Variants in STKLD1 observed in about 807,000 individuals in gnomAD.
STKLD1 encodes serine/threonine kinase like domain containing 1, also known as serine/threonine kinase-like domain-containing protein STKLD1.
In STKLD1, 79 loss-of-function variants were observed where a neutral mutation model predicts 80.4. The ratio of observed to expected loss-of-function variants is 0.98; its 90% CI spans 0.82 to 1.19. STKLD1 has a LOEUF of 1.19. STKLD1 is among the 50% of genes most tolerant of loss of function. The pLI is 0.00. For missense variants in STKLD1, 841 were observed against 856.0 expected (o/e 0.98, Z 0.22); for synonymous variants, 393 against 357.6 (o/e 1.10, Z -1.12).
At chr9:133,404,164 G>A in intron 16 of STKLD1, 116 bp downstream of exon 16, 1 of 1,327,356 alleles carries the variant, frequency 7.5e-7, no homozygotes, top group Non-Finnish European at 1.0e-6. Flanking sequence ...AATCAAAAAG[G>A]AAAAGAAATT....
intron 2 of STKLD1, among the ~76,000 whole-genome samples, chr9:133,382,787 A>G (rs1397660239): frequency 1.5e-5 from 2 of 134,686 alleles, no homozygotes; most frequent in East Asian, 2.4e-4. Flanking sequence ...TGATGATGGT[A>G]ATGATGGTGA....
chr9:133,383,424 T>A (rs1838195736), intron 2 of STKLD1, among the ~76,000 whole-genome samples: 1 of 144,432 alleles, frequency 6.9e-6, no homozygotes, highest in African/African-American at 2.6e-5. Flanking sequence ...ATGGTAATGA[T>A]GGTGATGATA....
rs371711899 is a variant in STKLD1, at chr9:133,397,209, G to A, written c.912G>A (p.Ser304=). ...TCTTGAGAGGCTCCTTCAAGTCCTC[G>A]TGCGTCTCTCTGACCCTGCACCGGC... is the stretch of plus-strand genomic sequence containing the variant. The part of the protein sequence containing the change: ...ITFLRGSFKS[S]CVSLTLHRQM... Residue 304 remains serine (S), a synonymous_variant, in exon 10 of 18, where the codon TCG becomes TCA. Coordinates refer to ENST00000371957, the MANE Select transcript of STKLD1 (RefSeq NM_153710.5). 28 of 1,613,842 alleles carry A rather than the reference G, an allele frequency of 1.7e-5. No individual in the cohort carries two copies. In the East Asian group the frequency reaches 2.2e-4, roughly 13 times the overall value.
At position 133,403,909 on chromosome 9, in the gene STKLD1, CCT is replaced by C; in HGVS notation, c.1604-10_1604-9del. 1 of 1,606,474 alleles carries C rather than the reference CCT, an allele frequency of 6.2e-7. No individual in the cohort carries two copies. The highest frequency in any genetic ancestry group is 8.5e-7 in the Non-Finnish European group (1 of 1,175,436). On this transcript the variant is annotated splice_polypyrimidine_tract_variant and intron_variant, in intron 15 of 17. Coordinates refer to ENST00000371957, the MANE Select transcript of STKLD1 (RefSeq NM_153710.5). ...ACAGCAGGCACAAGGCAGCCCGGCC[CCT>C]TTCTGCAGGCTGCATCAAGGAGCAG...
chr9:133,402,756 T>G, intron 13 of STKLD1, 122 bp from the exon 14 acceptor site: 1 of 1,130,802 alleles, frequency 8.8e-7, no homozygotes, highest in Non-Finnish European at 1.2e-6. Flanking sequence ...TGCACACGAC[T>G]TGGCCCAGAG....
In STKLD1 at chr9:133,379,139, G is replaced by A. The variant is rs2130259755; in HGVS notation, c.174+17G>A. 1.9e-6 allele frequency: 3 copies of A among 1,608,424 alleles called. No individual in the cohort carries two copies. The highest frequency in any genetic ancestry group is 2.6e-6 in the Non-Finnish European group (3 of 1,175,976). Reference sequence around the variant, plus strand: ...ATAAAGCAGGTAAGAGGCCAAGCCTGTGCATCCCATGCCGGGTGGTTCTGT... The same window carrying A: ...ATAAAGCAGGTAAGAGGCCAAGCCTATGCATCCCATGCCGGGTGGTTCTGT... On this transcript the variant is annotated intron_variant, in intron 2 of 17. Transcript: ENST00000371957.
chr9:133,405,376 T>C lies in STKLD1; in HGVS notation c.1998T>C (p.Gly666=), dbSNP rs1390273274. Residue 666 remains glycine (G), a synonymous_variant, in exon 18 of 18, where the codon GGT becomes GGC. Transcript: ENST00000371957. ...TCAGCAAACCAGGCCTCCCTCCAGG[T>C]GGAAGCCCCCAGCTGGGGTGCACCA... The part of the protein sequence containing the change: ...SAFSKPGLPP[G]GSPQLGCTTS... The C allele has an allele frequency of 6.2e-7, 1 of 1,611,908 alleles. No individual in the cohort carries two copies.
At chr9:133,397,431 A>G (rs1488737789) in intron 10 of STKLD1, 137 bp downstream of exon 10, 1 of 1,180,832 alleles carries the variant, frequency 8.5e-7, no homozygotes, top group Non-Finnish European at 1.2e-6. Context: ...GGGTAGGAAC[A>G]GTTTCCCTCC....
Position 133,376,524 on chromosome 9 carries a change from C to T in STKLD1, c.51C>T (p.Gly17=). The T allele has an allele frequency of 6.2e-7, 1 of 1,601,212 alleles. No individual in the cohort carries two copies. The highest frequency in any genetic ancestry group is 8.5e-7 in the Non-Finnish European group (1 of 1,175,614). ...NRRRPTQGER[G]PGSPGEPMEK... ...GGCGCCCCACGCAGGGGGAGCGAGGCCCAGGGTCCCCCGGAGAGCCCATGG... is the reference window on the plus strand; with the variant it reads ...GGCGCCCCACGCAGGGGGAGCGAGGTCCAGGGTCCCCCGGAGAGCCCATGG... Residue 17 remains glycine (G), a synonymous_variant, in exon 1 of 18, where the codon GGC becomes GGT. Transcript: ENST00000371957.
intron 5 of STKLD1, chr9:133,388,670 A>T (rs2130282741): frequency 1.2e-6 from 1 of 863,570 alleles, no homozygotes; most frequent in Non-Finnish European, 1.4e-6. Context: ...CTGCTCCAAG[A>T]TCATGAAGAT....
At position 133,386,706 on chromosome 9, in the gene STKLD1, G is replaced by C. The variant is rs2130277958; in HGVS notation, c.295-741G>C. Among the ~76,000 whole-genome samples the C allele has an allele frequency of 7.4e-3, 1,124 of 152,372 alleles. 19 individuals are homozygous for C. Among genetic ancestry groups the C allele is most frequent in the African/African-American group, 0.025 (1,057 of 41,578 alleles). ...CTGGATGACTTCTTGTCTTTACAAG[G>C]AGCCAGGAGCTTTCCAGTCACTTCT... On this transcript the variant is annotated intron_variant, in intron 4 of 17. Coordinates refer to ENST00000371957, the MANE Select transcript of STKLD1 (RefSeq NM_153710.5).
intron 12 of STKLD1, among the ~76,000 whole-genome samples, 183 bp downstream of exon 12, chr9:133,400,712 A>T (rs1289502380): frequency 6.6e-6 from 1 of 152,114 alleles, no homozygotes; most frequent in Non-Finnish European, 1.5e-5. Context: ...AGGCCAGGAG[A>T]CACTCCTGGT....
At chr9:133,399,272 G>C (rs988935087) in intron 11 of STKLD1, among the ~76,000 whole-genome samples, 1 of 151,736 alleles carries the variant, frequency 6.6e-6, no homozygotes, top group Non-Finnish European at 1.5e-5. Flanking sequence ...CCATCCATCC[G>C]TCTGTCTATC....
rs1373960005 is a variant in STKLD1, at chr9:133,385,490, C to A, written c.220-127C>A. The A allele has an allele frequency of 2.1e-5, 19 of 897,872 alleles. No homozygotes were observed. Among genetic ancestry groups the A allele is most frequent in the Non-Finnish European group, 3.1e-5 (18 of 572,688 alleles). The allele number at this position is 897,872 out of a possible 1,614,324, so 55.6% of individuals were successfully genotyped here. A position where few individuals can be genotyped will look rare whatever the true frequency, so the allele number is the denominator to read the frequency against. ...CCAACCACCGTGCAGCTTCCCTGAG[C>A]CCACTCCCTGGCCCAGCTCAGAGCC... On this transcript the variant is annotated intron_variant, in intron 3 of 17. Coordinates refer to ENST00000371957, the MANE Select transcript of STKLD1 (RefSeq NM_153710.5). This position sits in a 1 kb window ranked among gnomAD's most constrained non-coding sequence, Gnocchi z 4.9.
At chr9:133,378,652 G>A (rs1278646935) in intron 1 of STKLD1, among the ~76,000 whole-genome samples, 1 of 152,234 alleles carries the variant, frequency 6.6e-6, no homozygotes, top group Non-Finnish European at 1.5e-5. Context: ...TCACAAGATT[G>A]GTTACTTTCT....
intron 9 of STKLD1, chr9:133,396,106 T>A (rs1478698370): frequency 5.5e-6 from 1 of 183,342 alleles, no homozygotes; most frequent in Admixed American, 5.5e-5. Context: ...AATTTTTCAT[T>A]CTAACTTACT....
intron 11 of STKLD1, among the ~76,000 whole-genome samples, chr9:133,398,342 T>G (rs1488600165): frequency 6.6e-6 from 1 of 152,320 alleles, no homozygotes; most frequent in Middle Eastern, 3.4e-3. Flanking sequence ...TCTGAGTTGT[T>G]TCTCAGTTTC....
chr9:133,389,021 A>G lies in STKLD1; in HGVS notation c.397-505A>G, dbSNP rs1838325293. On this transcript the variant is annotated intron_variant, in intron 5 of 17. Coordinates refer to ENST00000371957, the MANE Select transcript of STKLD1 (RefSeq NM_153710.5). This position sits in a 1 kb window ranked among gnomAD's most constrained non-coding sequence, Gnocchi z 6.4. ...GACACCCCAGGGTGGCCCTGAATCC[A>G]GGGGCCCTAGGAGCCCAGCTTTAGA... is the stretch of plus-strand genomic sequence containing the variant. The G allele has an allele frequency of 1.0e-6, 1 of 985,186 alleles. No individual in the cohort carries two copies. Among genetic ancestry groups the G allele is most frequent in the Non-Finnish European group, 1.2e-6 (1 of 829,890 alleles). 61.0% of individuals were successfully genotyped at this position (985,186 alleles called of 1,614,324 possible). A position where few individuals can be genotyped will look rare whatever the true frequency, so the allele number is the denominator to read the frequency against.
At position 133,395,751 on chromosome 9, in the gene STKLD1, G is replaced by T. The variant is rs144537926; in HGVS notation, c.854G>T (p.Arg285Leu). 1 of 1,613,228 alleles carries T rather than the reference G, an allele frequency of 6.2e-7. No individual in the cohort carries two copies. Among genetic ancestry groups the T allele is most frequent in the African/African-American group, 1.3e-5 (1 of 74,924 alleles). The change falls in exon 9 of 18, where the codon CGA (arginine) becomes CTA (leucine). Residue 285 changes from arginine to leucine, a missense_variant. By Grantham distance (102) the Arg-to-Leu change is moderately radical. Coordinates refer to ENST00000371957, the MANE Select transcript of STKLD1 (RefSeq NM_153710.5). ...PLMLQIDPSDRITIKDVVHIT... is the reference protein window; with the variant it reads ...PLMLQIDPSDLITIKDVVHIT... ...ATGCTCCAGATCGACCCCTCGGATC[G>T]AATAACGATAAAGTGAGCTCAGGGT...
Sources: gnomAD v4.1 joint callset for allele counts (sites outside exome capture counted in the v4.1 genomes callset) on GRCh38, gnomAD v4.1.1 for gene constraint, Gnocchi (gnomAD v3.1) non-coding constraint, MANE v1.5 for transcripts, NCBI Gene and HGNC (gene_info 2026-07-23, HGNC 2026-07-21) for gene names.